The following DCC variants were observed in gnomAD, a reference collection of about 807,000 sequenced individuals.
The protein encoded by DCC is netrin receptor DCC.
In DCC, 58 loss-of-function variants were observed where a neutral mutation model predicts 172.5. That is an observed-to-expected ratio of 0.34 (90% confidence interval 0.27 to 0.42). DCC has a LOEUF of 0.42. DCC is among the 10% of genes least tolerant of loss of function. The pLI, the probability that DCC is intolerant of heterozygous loss-of-function variation, is 1.00. For missense variants in DCC, 1,740 were observed against 1,791.0 expected, an observed-to-expected ratio of 0.97 and a Z score of 0.51; for synonymous variants, 709 against 644.5, an observed-to-expected ratio of 1.10 and a Z score of -1.52.
intron 5 of DCC, among the ~76,000 whole-genome samples, chr18:52,996,743 A>C (rs1233989137): frequency 4.4e-5 from 6 of 137,768 alleles, no homozygotes; most frequent in African/African-American, 1.6e-4. Flanking sequence ...TACTTGATTT[A>C]TTTCTCTTCT....
At chr18:52,479,948 C>T (rs1337014921) in intron 1 of DCC, among the ~76,000 whole-genome samples, 2 of 151,948 alleles carry the variant, frequency 1.3e-5, no homozygotes, top group Non-Finnish European at 2.9e-5. Flanking sequence ...GACAATAGAC[C>T]CTCCTACTAG....
intron 1 of DCC, among the ~76,000 whole-genome samples, chr18:52,539,243 G>T (rs1254699836): frequency 6.6e-6 from 1 of 152,152 alleles, no homozygotes; most frequent in South Asian, 2.1e-4. Context: ...TCTAGGTAAA[G>T]TTCTCAGAGT....
intron 2 of DCC, among the ~76,000 whole-genome samples, chr18:52,852,624 T>G (rs1357047833): frequency 6.9e-6 from 1 of 144,302 alleles, no homozygotes; most frequent in Non-Finnish European, 1.5e-5. Context: ...TTACCAAGTG[T>G]CTATTTGGTT....
chr18:53,425,382 C>G (rs1568122917), intron 21 of DCC, among the ~76,000 whole-genome samples: 1 of 54,286 alleles, frequency 1.8e-5, no homozygotes, highest in Non-Finnish European at 5.4e-5. Flanking sequence ...TTTTTTGAGA[C>G]AGAGTCTCAC....
intron 1 of DCC, among the ~76,000 whole-genome samples, chr18:52,608,223 G>A (rs568445918): frequency 2.2e-4 from 33 of 152,188 alleles, no homozygotes; most frequent in Admixed American, 9.8e-4. Flanking sequence ...TAGGAGTTCC[G>A]TCCCACAAAT....
intron 1 of DCC, among the ~76,000 whole-genome samples, chr18:52,371,116 G>T (rs1049594196): frequency 6.6e-6 from 1 of 151,434 alleles, no homozygotes; most frequent in Admixed American, 6.6e-5. Flanking sequence ...GCACTGGAGA[G>T]AACATTGGTA....
intron 1 of DCC, among the ~76,000 whole-genome samples, chr18:52,738,097 G>A (rs886457512): frequency 3.3e-5 from 5 of 152,100 alleles, no homozygotes; most frequent in Admixed American, 1.3e-4. Flanking sequence ...GGTCCACAGA[G>A]CGCAAAAAAA....
intron 12 of DCC, among the ~76,000 whole-genome samples, chr18:53,222,373 T>C (rs2055949897): frequency 9.4e-6 from 1 of 106,772 alleles, no homozygotes; most frequent in Admixed American, 1.1e-4. Flanking sequence ...CTTTTTTCTT[T>C]TTCTTTTTTC....
chr18:53,265,340 A>G (rs1040301071), intron 12 of DCC, among the ~76,000 whole-genome samples: 10 of 152,138 alleles, frequency 6.6e-5, no homozygotes, highest in Non-Finnish European at 1.3e-4. Flanking sequence ...ACTTTTTTGC[A>G]TGTCATAAAT....
At chr18:52,918,169 A>G (rs2040068847) in intron 3 of DCC, among the ~76,000 whole-genome samples, 1 of 152,182 alleles carries the variant, frequency 6.6e-6, no homozygotes, top group African/African-American at 2.4e-5. Flanking sequence ...TATGAAATAG[A>G]ACATTACAAA....
chr18:52,636,225 C>T (rs1306581289), intron 1 of DCC, among the ~76,000 whole-genome samples: 2 of 152,144 alleles, frequency 1.3e-5, no homozygotes, highest in South Asian at 2.1e-4. Flanking sequence ...GCCATTCCTG[C>T]TTGGCACCAC....
intron 7 of DCC, 36 bp from the exon 8 acceptor site, chr18:53,157,320 C>G (rs371578421): frequency 6.2e-7 from 1 of 1,613,416 alleles, no homozygotes; most frequent in South Asian, 1.1e-5. Flanking sequence ...CCTATGGCAG[C>G]GACACCTCTG....
intron 7 of DCC, among the ~76,000 whole-genome samples, chr18:53,082,009 G>T (rs948461581): frequency 6.6e-6 from 1 of 151,974 alleles, no homozygotes; most frequent in Non-Finnish European, 1.5e-5. Flanking sequence ...GATCAAGAAT[G>T]GTAATTTACA....
chr18:53,427,429 T>C (rs1502236), intron 21 of DCC, among the ~76,000 whole-genome samples: 5,674 of 152,138 alleles, frequency 0.037, 369 homozygotes, highest in African/African-American at 0.13. Flanking sequence ...AATTCAATTG[T>C]TATTCAGTTG....
intron 1 of DCC, chr18:52,409,139 G>A (rs921900677): frequency 2.6e-5 from 4 of 152,084 alleles, no homozygotes; most frequent in Non-Finnish European, 4.4e-5. Context: ...ACAGCAGTTC[G>A]TACATTTCCT....
chr18:53,282,697 G>T (rs1392136545), intron 12 of DCC, among the ~76,000 whole-genome samples: 3 of 152,080 alleles, frequency 2.0e-5, no homozygotes, highest in Admixed American at 2.0e-4. Flanking sequence ...TTTTTAAAAA[G>T]ATTCATGTTT....
chr18:52,571,433 T>A (rs559960379), intron 1 of DCC, among the ~76,000 whole-genome samples: 2 of 150,378 alleles, frequency 1.3e-5, no homozygotes, highest in South Asian at 4.2e-4. Context: ...CAGTTGTCCC[T>A]CTTATTTCCC....
chr18:52,994,741 T>C (rs1003323566), intron 5 of DCC, among the ~76,000 whole-genome samples: 1 of 152,176 alleles, frequency 6.6e-6, no homozygotes. Context: ...TGAACTCTTA[T>C]AATGGATCAA....
chr18:52,828,257 A>G (rs1327251142), intron 2 of DCC, among the ~76,000 whole-genome samples: 3 of 152,140 alleles, frequency 2.0e-5, no homozygotes, highest in African/African-American at 7.2e-5. Context: ...AACAAATACA[A>G]GATGTTATAT....
Sources: allele counts gnomAD v4.1 joint callset (sites outside exome capture counted in the v4.1 genomes callset), GRCh38; gene constraint gnomAD v4.1.1; transcripts MANE v1.5; gene names NCBI Gene and HGNC (gene_info 2026-07-23, HGNC 2026-07-21).